Variants in TTYH2 observed in about 807,000 individuals in gnomAD.
The protein encoded by TTYH2 is tweety family member 2.
TTYH2 carries 49 observed loss-of-function variants against 68.3 expected under a neutral mutation model. That is an observed-to-expected ratio of 0.72 (90% CI 0.57 to 0.91). The LOEUF (loss-of-function observed/expected upper bound fraction) is 0.91, where lower values mean the gene tolerates loss of function less well. Among genes scored for constraint, TTYH2 ranks in the 40% least tolerant of loss-of-function variants. The pLI is 0.00. For synonymous variants in TTYH2, 272 were observed against 300.8 expected (o/e 0.90, Z 0.99); for missense variants, 631 against 700.4 (o/e 0.90, Z 1.12).
chr17:74,231,144 T>A, intron 3 of TTYH2, 145 bp downstream of exon 3: 1 of 727,550 alleles, frequency 1.4e-6, no homozygotes, highest in Non-Finnish European at 2.2e-6. Context: ...CCGCCTGCGC[T>A]GCAGTTGCCT....
intron 13 of TTYH2, 110 bp from the exon 14 acceptor site, chr17:74,260,018 GT>G: frequency 1.1e-6 from 1 of 936,068 alleles, no homozygotes; most frequent in Non-Finnish European, 1.7e-6. Context: ...GCACGGCCGG[GT>G]TTCCCTCTGA....
Position 74,260,109 on chromosome 17 carries a change from CCT to C in TTYH2, c.1525-15_1525-14del, listed in dbSNP as rs1460950723. The C allele has an allele frequency of 1.9e-6, 3 of 1,611,164 alleles. No individual in the cohort carries two copies. The highest frequency in any genetic ancestry group is 1.3e-5 in the African/African-American group (1 of 74,768). ...TTGGCTGACTCAGCTCTGACCATCC[CCT>C]CTCTTCTCTCTTGGCAGTACTCTCC... On this transcript the variant is annotated intron_variant, in intron 13 of 13. Coordinates refer to ENST00000269346, the MANE Select transcript of TTYH2 (RefSeq NM_032646.6).
Position 74,214,704 on chromosome 17 carries a change from G to A in TTYH2, c.129+988G>A, listed in dbSNP as rs2050205116. Among the ~76,000 whole-genome samples the A allele has an allele frequency of 6.6e-6, 1 of 152,154 alleles. No homozygotes were observed. Among genetic ancestry groups the A allele is most frequent in the African/African-American group, 2.4e-5 (1 of 41,422 alleles). ...CCCACCTGTATCAGTTCCTTGTGTT[G>A]GGTCAAAGATTCTGGGGCCAGTGGA... is the stretch of plus-strand genomic sequence containing the variant. On this transcript the variant is annotated intron_variant, in intron 1 of 13. Coordinates refer to ENST00000269346, the MANE Select transcript of TTYH2 (RefSeq NM_032646.6). This position sits in a 1 kb window ranked among gnomAD's most constrained non-coding sequence, Gnocchi z 4.6.
At chr17:74,233,335 A>G (rs2050409148) in intron 3 of TTYH2, among the ~76,000 whole-genome samples, 1 of 152,152 alleles carries the variant, frequency 6.6e-6, no homozygotes. Flanking sequence ...ATCTTAGAAG[A>G]CTTCCCAGAT....
At position 74,215,596 on chromosome 17, in the gene TTYH2, G is replaced by T; in HGVS notation, c.129+1880G>T. The T allele has an allele frequency of 6.5e-7, 1 of 1,533,000 alleles. No homozygotes were observed. The highest frequency in any genetic ancestry group is 8.7e-7 in the Non-Finnish European group (1 of 1,145,222). The allele number at this position is 1,533,000 out of a possible 1,614,324, so 95.0% of individuals were successfully genotyped here. On this transcript the variant is annotated intron_variant, in intron 1 of 13. Coordinates refer to ENST00000269346, the MANE Select transcript of TTYH2 (RefSeq NM_032646.6). This position sits in a 1 kb window ranked among gnomAD's most constrained non-coding sequence, Gnocchi z 4.3. ...CAGCTGACACCAGCCCTGCCCACTG[G>T]CTCCTGGTCCCGCTCACCCCCTCAC...
chr17:74,250,306 G>A lies in TTYH2; in HGVS notation c.1065G>A (p.Glu355=). ...LAIQLLLNSS[E]SSLHQLTAMV... is the part of the protein sequence containing the mutation. ...TCCAGCTCCTGCTGAACTCCTCAGA[G>A]TCCAGCCTTCACCAGCTGACCGCCA... Residue 355 remains glutamate (E), a synonymous_variant, in exon 10 of 14, where the codon GAG becomes GAA. Transcript: ENST00000269346. 1 of 1,613,760 alleles carries A rather than the reference G, an allele frequency of 6.2e-7. No individual in the cohort carries two copies. The highest frequency in any genetic ancestry group is 2.2e-5 in the East Asian group (1 of 44,872).
In TTYH2 at chr17:74,222,434, G is replaced by T. The variant is rs1398914676; in HGVS notation, c.130-51G>T. On this transcript the variant is annotated intron_variant, in intron 1 of 13. Coordinates refer to ENST00000269346, the MANE Select transcript of TTYH2 (RefSeq NM_032646.6). The surrounding 1 kb of genome is among the most constrained non-coding windows in gnomAD (Gnocchi z 5.2). ...GGCCCAAGGGCAGGGCACTTCCAGA[G>T]CCCCGCACTGCAGGGATGAAGAGTG... 1.3e-6 allele frequency: 2 copies of T among 1,549,094 alleles called. No individual in the cohort carries two copies. The highest frequency in any genetic ancestry group is 2.7e-5 in the African/African-American group (2 of 73,808).
At chr17:74,256,221 C>A (rs2143786906) in intron 13 of TTYH2, among the ~76,000 whole-genome samples, 1 of 152,258 alleles carries the variant, frequency 6.6e-6, no homozygotes, top group Non-Finnish European at 1.5e-5. Flanking sequence ...GTTTGAGCCA[C>A]AGTGTAGAGC....
chr17:74,231,711 C>T (rs547556144), intron 3 of TTYH2, among the ~76,000 whole-genome samples: 40 of 152,124 alleles, frequency 2.6e-4, no homozygotes, highest in Non-Finnish European at 3.7e-4. Context: ...TGAAGAGCCC[C>T]GTGATGTAAG....
At position 74,259,236 on chromosome 17, in the gene TTYH2, G is replaced by T. The variant is rs545150913; in HGVS notation, c.1525-893G>T. On this transcript the variant is annotated intron_variant, in intron 13 of 13. Transcript: ENST00000269346. ...TCTTTGTTTTTTTTTAAGAGAGAGG[G>T]TCTCGCTCCGTTGCCCAGGGTGAAG... Among the ~76,000 whole-genome samples, 6 of 152,132 alleles carry T rather than the reference G, an allele frequency of 3.9e-5. No individual in the cohort carries two copies. In the East Asian group the frequency reaches 9.7e-4, roughly 25 times the overall value.
Position 74,217,394 on chromosome 17 carries a change from A to G in TTYH2, c.129+3678A>G, listed in dbSNP as rs889218174. Among the ~76,000 whole-genome samples the G allele has an allele frequency of 6.6e-6, 1 of 152,196 alleles. No individual in the cohort carries two copies. The highest frequency in any genetic ancestry group is 1.5e-5 in the Non-Finnish European group (1 of 68,030). ...GGTTGGTTCCGTTCATAGATTCGCC[A>G]AAGTACAAAGTGGAGGGTACACAGT... is the stretch of plus-strand genomic sequence containing the variant. On this transcript the variant is annotated intron_variant, in intron 1 of 13. Coordinates refer to ENST00000269346, the MANE Select transcript of TTYH2 (RefSeq NM_032646.6). The surrounding 1 kb of genome is among the most constrained non-coding windows in gnomAD (Gnocchi z 4.0).
chr17:74,256,517 G>A (rs996651051), intron 13 of TTYH2, among the ~76,000 whole-genome samples: 1 of 152,134 alleles, frequency 6.6e-6, no homozygotes. Flanking sequence ...TGGTGCTTTT[G>A]CCTGGAGCAC....
In TTYH2 at chr17:74,253,696, T is replaced by A. The variant is rs1182491534; in HGVS notation, c.1446-59T>A. On this transcript the variant is annotated intron_variant, in intron 12 of 13. Transcript: ENST00000269346. ...CACCCATGGGACCCTCCTGTAGAAA[T>A]CTACACACACCCCCACTCCCACACC... The A allele has an allele frequency of 1.3e-5, 21 of 1,565,634 alleles. 1 individual carries two copies. The Admixed American group carries it at 3.5e-4, about 26-fold the overall frequency.
intron 1 of TTYH2, among the ~76,000 whole-genome samples, chr17:74,219,403 A>AAAAAAAAAAAAG (rs1241503126): frequency 6.7e-6 from 1 of 149,550 alleles, no homozygotes; most frequent in African/African-American, 2.6e-5. Context: ...AAAAAAAAAA[A>AAAAAAAAAAAAG]GAATAACTTA....
chr17:74,258,566 C>T (rs918347432), intron 13 of TTYH2, among the ~76,000 whole-genome samples: 3 of 152,048 alleles, frequency 2.0e-5, no homozygotes, highest in Non-Finnish European at 2.9e-5. Flanking sequence ...CGTGCCTGGC[C>T]GGAGATGTGC....
Position 74,237,446 on chromosome 17 carries a change from C to T in TTYH2, c.567C>T (p.Pro189=), listed in dbSNP as rs146648013. The T allele has an allele frequency of 1.6e-5, 26 of 1,613,936 alleles. No individual in the cohort carries two copies. The highest frequency in any genetic ancestry group is 8.0e-5 in the African/African-American group (6 of 74,880). Residue 189 remains proline (P), a synonymous_variant, in exon 4 of 14, where the codon CCC becomes CCT. Coordinates refer to ENST00000269346, the MANE Select transcript of TTYH2 (RefSeq NM_032646.6). The part of the protein sequence containing the change: ...GSVVVQLSGL[P]VWREVTMELT... ...TTGTTGTTCAGCTCTCAGGACTGCC[C>T]GTGTGGAGGGAGGTCACCATGGAGC... is the stretch of plus-strand genomic sequence containing the variant.
intron 13 of TTYH2, among the ~76,000 whole-genome samples, chr17:74,257,389 A>G (rs1242802025): frequency 6.6e-6 from 1 of 152,164 alleles, no homozygotes; most frequent in East Asian, 1.9e-4. Flanking sequence ...GAGACATCTA[A>G]TGATGCCGCA....
At chr17:74,234,968 C>T (rs776845041) in intron 3 of TTYH2, among the ~76,000 whole-genome samples, 2 of 152,180 alleles carry the variant, frequency 1.3e-5, no homozygotes, top group Non-Finnish European at 2.9e-5. Flanking sequence ...TGTACTTTTA[C>T]ATGGTTTGGG....
chr17:74,248,379 C>T (rs930603388), intron 6 of TTYH2: 4 of 986,676 alleles, frequency 4.1e-6, no homozygotes, highest in African/African-American at 1.7e-5. Context: ...TTAGCCAGGC[C>T]GTGCTGTGGG....
Sources: gnomAD v4.1 joint callset for allele counts (sites outside exome capture counted in the v4.1 genomes callset) on GRCh38, gnomAD v4.1.1 for gene constraint, Gnocchi (gnomAD v3.1) non-coding constraint, MANE v1.5 for transcripts, NCBI Gene and HGNC (gene_info 2026-07-23, HGNC 2026-07-21) for gene names.